The following TENT4B variants were observed in gnomAD, a reference collection of about 807,000 sequenced individuals.
TENT4B encodes terminal nucleotidyltransferase 4B.
In TENT4B, 10 loss-of-function variants were observed where a neutral mutation model predicts 75.0. The ratio of observed to expected loss-of-function variants is 0.13; its 90% confidence interval spans 0.08 to 0.23. The LOEUF (loss-of-function observed/expected upper bound fraction) is 0.23. Among genes scored for constraint, TENT4B ranks in the 10% least tolerant of loss-of-function variants. The probability of loss-of-function intolerance (pLI) is 1.00; values close to 1 mark genes in which losing one functional copy is unlikely to be tolerated. For missense variants in TENT4B, 579 were observed against 893.8 expected, an observed-to-expected ratio of 0.65 and a Z score of 4.49; for synonymous variants, 350 against 357.7, an observed-to-expected ratio of 0.98 and a Z score of 0.24.
At chr16:50,192,567 C>T (rs973984779) in intron 1 of TENT4B, among the ~76,000 whole-genome samples, 2 of 152,070 alleles carry the variant, frequency 1.3e-5, no homozygotes, top group African/African-American at 2.4e-5. Context: ...ATTATGGAGC[C>T]TGTGTATTAC....
chr16:50,159,087 A>G (rs927579323), intron 1 of TENT4B, among the ~76,000 whole-genome samples: 2 of 152,178 alleles, frequency 1.3e-5, no homozygotes, highest in Admixed American at 6.5e-5. Context: ...GCCGTAGGGC[A>G]GTATCCTCTT....
rs920005135 is a variant in TENT4B, at chr16:50,231,450, A to C, written c.*2122A>C. 2.4e-5 allele frequency: 24 copies of C among 985,478 alleles called. No individual in the cohort carries two copies. In the African/African-American group the frequency reaches 4.0e-4, roughly 17 times the overall value. 61.0% of individuals were successfully genotyped at this position (985,478 alleles called of 1,614,324 possible). On this transcript the variant is annotated 3_prime_UTR_variant, in exon 12 of 12. Coordinates refer to ENST00000561678, the MANE Select transcript of TENT4B (RefSeq NM_001365324.3). ...ATCTATGTTACATTTACCACACTGA[A>C]GTTTTTTTTGTTGTTTTTTGTTTGT...
At chr16:50,217,320 A>G (rs1188259976) in intron 4 of TENT4B, among the ~76,000 whole-genome samples, 1 of 152,236 alleles carries the variant, frequency 6.6e-6, no homozygotes, top group African/African-American at 2.4e-5. Context: ...CACCAAACAA[A>G]ATTCTCGGTT....
intron 1 of TENT4B, among the ~76,000 whole-genome samples, chr16:50,173,245 G>A (rs1597232914): frequency 6.6e-6 from 1 of 151,886 alleles, no homozygotes; most frequent in East Asian, 1.9e-4. Flanking sequence ...TGCCCTGCCA[G>A]CTCTTTTTTT....
intron 1 of TENT4B, among the ~76,000 whole-genome samples, chr16:50,206,773 AGG>A (rs2030998303): frequency 6.6e-6 from 1 of 152,180 alleles, no homozygotes; most frequent in East Asian, 1.9e-4. Context: ...GTCCAGCTGA[AGG>A]ATGCGAAATG....
chr16:50,214,277 C>G lies in TENT4B; in HGVS notation c.809+10C>G. The G allele has an allele frequency of 6.4e-7, 1 of 1,572,038 alleles. No homozygotes were observed. The highest frequency in any genetic ancestry group is 8.7e-7 in the Non-Finnish European group (1 of 1,148,018). ...TTTATTTACCTACTAGGTTAGTACA[C>G]TCATGAATCTTTCAAAGGACTTTTC... On this transcript the variant is annotated intron_variant, in intron 3 of 11. Transcript: ENST00000561678.
intron 1 of TENT4B, among the ~76,000 whole-genome samples, chr16:50,163,452 C>T (rs1448909563): frequency 1.4e-5 from 2 of 144,614 alleles, no homozygotes; most frequent in African/African-American, 5.1e-5. Flanking sequence ...GAGTCTCGCT[C>T]TGTCGCCCAC....
chr16:50,213,875 A>G (rs766928020), intron 2 of TENT4B, among the ~76,000 whole-genome samples: 4 of 152,214 alleles, frequency 2.6e-5, no homozygotes, highest in African/African-American at 4.8e-5. Flanking sequence ...GAGGACTAGC[A>G]TAGGTTGCAT....
chr16:50,232,069 C>T lies in TENT4B; in HGVS notation c.*2741C>T. The T allele has an allele frequency of 1.0e-6, 1 of 985,286 alleles. No homozygotes were observed. The highest frequency in any genetic ancestry group is 1.2e-6 in the Non-Finnish European group (1 of 829,882). 61.0% of individuals were successfully genotyped at this position (985,286 alleles called of 1,614,324 possible). A position where few individuals can be genotyped will look rare whatever the true frequency, so the allele number is the denominator to read the frequency against. On this transcript the variant is annotated 3_prime_UTR_variant, in exon 12 of 12. Coordinates refer to ENST00000561678, the MANE Select transcript of TENT4B (RefSeq NM_001365324.3). Reference sequence around the variant, plus strand: ...AGGCAGTCATGTATGTGTACCTGGCCATTAGAAATATTAATATTTAAAGAC... The same window carrying T: ...AGGCAGTCATGTATGTGTACCTGGCTATTAGAAATATTAATATTTAAAGAC...
intron 1 of TENT4B, among the ~76,000 whole-genome samples, chr16:50,200,753 G>A (rs1171436140): frequency 6.6e-6 from 1 of 151,010 alleles, no homozygotes; most frequent in African/African-American, 2.4e-5. Context: ...TGAGTTCTTT[G>A]TCTATTTTGA....
intron 1 of TENT4B, among the ~76,000 whole-genome samples, chr16:50,170,201 A>G (rs2038179568): frequency 2.0e-5 from 3 of 151,462 alleles, no homozygotes; most frequent in Admixed American, 1.3e-4. Flanking sequence ...TTGTATTTTT[A>G]GCAGAGATGG....
intron 1 of TENT4B, among the ~76,000 whole-genome samples, chr16:50,155,196 C>T (rs2037867595): frequency 1.3e-5 from 2 of 151,684 alleles, no homozygotes; most frequent in African/African-American, 2.4e-5. Context: ...CTAGATCTCC[C>T]TTCAGAAGAG....
At chr16:50,201,733 C>G (rs1311696687) in intron 1 of TENT4B, among the ~76,000 whole-genome samples, 1 of 151,080 alleles carries the variant, frequency 6.6e-6, no homozygotes, top group Non-Finnish European at 1.5e-5. Context: ...ATTTCAGCTG[C>G]TGGGGAGGCT....
chr16:50,198,014 A>G (rs1430464830), intron 1 of TENT4B, among the ~76,000 whole-genome samples: 1 of 151,696 alleles, frequency 6.6e-6, no homozygotes, highest in Non-Finnish European at 1.5e-5. Flanking sequence ...ATTTGATCTT[A>G]TTTTAGTAAT....
chr16:50,196,243 C>T (rs1477945021), intron 1 of TENT4B, among the ~76,000 whole-genome samples: 1 of 152,148 alleles, frequency 6.6e-6, no homozygotes, highest in Non-Finnish European at 1.5e-5. Flanking sequence ...CAGAAAATGT[C>T]ATCCTGTGAT....
At chr16:50,181,249 G>T (rs139738589) in intron 1 of TENT4B, among the ~76,000 whole-genome samples, 53 of 152,126 alleles carry the variant, frequency 3.5e-4, no homozygotes, top group African/African-American at 1.1e-3. Flanking sequence ...TGTGTTTGTG[G>T]ATTTAAATGT....
At chr16:50,203,838 G>C (rs1022880321) in intron 1 of TENT4B, among the ~76,000 whole-genome samples, 1 of 152,212 alleles carries the variant, frequency 6.6e-6, no homozygotes, top group Admixed American at 6.5e-5. Flanking sequence ...TGGGCACACA[G>C]AGCCCGAAGC....
Position 50,233,788 on chromosome 16 carries a change from A to G in TENT4B, c.*4460A>G, listed in dbSNP as rs1298515101. On this transcript the variant is annotated 3_prime_UTR_variant, in exon 12 of 12. Transcript: ENST00000561678. ...GCCTAGTAGCCTGAAAGAAAAGGAGACAGAACCAGAGAGATGGATGTAGTG... is the reference window on the plus strand; with the variant it reads ...GCCTAGTAGCCTGAAAGAAAAGGAGGCAGAACCAGAGAGATGGATGTAGTG... 1 of 985,280 alleles carries G rather than the reference A, an allele frequency of 1.0e-6. No individual in the cohort carries two copies. Among genetic ancestry groups the G allele is most frequent in the Non-Finnish European group, 1.2e-6 (1 of 829,934 alleles). The allele number at this position is 985,280 out of a possible 1,614,324, so 61.0% of individuals were successfully genotyped here.
intron 1 of TENT4B, among the ~76,000 whole-genome samples, chr16:50,205,724 G>A (rs572804016): frequency 1.5e-4 from 23 of 151,288 alleles, no homozygotes; most frequent in Non-Finnish European, 2.9e-4. Flanking sequence ...CCGAGTAGCT[G>A]GAATTACAGG....
Sources: gnomAD v4.1 joint callset for allele counts (sites outside exome capture counted in the v4.1 genomes callset) on GRCh38, gnomAD v4.1.1 for gene constraint, MANE v1.5 for transcripts, NCBI Gene and HGNC (gene_info 2026-07-23, HGNC 2026-07-21) for gene names.